Variants in DOCK11 observed in about 807,000 individuals in gnomAD.
DOCK11 encodes the protein dedicator of cytokinesis protein 11.
Under a neutral mutation model 169.1 loss-of-function variants are expected in DOCK11, and 70 were observed. The observed-to-expected ratio is 0.41, with a 90% CI of 0.34 to 0.51. The LOEUF (loss-of-function observed/expected upper bound fraction) is 0.51, where lower values mean the gene tolerates loss of function less well. DOCK11 is among the 20% of genes least tolerant of loss of function. The pLI is 0.10. For missense variants in DOCK11, 1,166 were observed against 1,538.8 expected, an observed-to-expected ratio of 0.76 and a Z score of 4.05; for synonymous variants, 529 against 541.3, an observed-to-expected ratio of 0.98 and a Z score of 0.32.
rs1471707789 is a variant in DOCK11 at position 118,648,032 on chromosome X, TATATAATA to T, written c.4399-904_4399-897del. On this transcript the variant is annotated intron_variant, in intron 40 of 52. Transcript: ENST00000276202. ...TAATATATAATATAAATTATAATAT[TATATAATA>T]ATATAATATATAATATATAATATAA... is the stretch of plus-strand genomic sequence containing the variant. 3.7e-3 allele frequency among the ~76,000 whole-genome samples: 158 copies of T among 43,210 alleles called. 1 individual carries two copies. Among genetic ancestry groups the T allele is most frequent in the African/African-American group, 0.016 (152 of 9,361 alleles). The allele number at this position is 43,210 out of a possible 115,157, so 37.5% of individuals were successfully genotyped here.
intron 52 of DOCK11, 157 bp downstream of exon 52, chrX:118,683,374 A>G: frequency 1.7e-6 from 1 of 598,508 alleles, no homozygotes; most frequent in Non-Finnish European, 2.4e-6. Context: ...GTGATACAAT[A>G]CAAATCAAAT....
intron 40 of DOCK11, among the ~76,000 whole-genome samples, chrX:118,645,906 A>AT (rs1969078877): frequency 9.6e-6 from 1 of 104,343 alleles, no homozygotes; most frequent in Admixed American, 1.0e-4. Context: ...AAAAAAAAAA[A>AT]TTAGCTGGGC....
chrX:118,665,613 G>T (rs1257334360), intron 45 of DOCK11, among the ~76,000 whole-genome samples: 1 of 111,791 alleles, frequency 8.9e-6, no homozygotes, highest in Non-Finnish European at 1.9e-5. Context: ...GAAATCTTTT[G>T]GGTTCTACAA....
At chrX:118,531,779 G>A (rs377507744) in intron 1 of DOCK11, among the ~76,000 whole-genome samples, 10 of 110,016 alleles carry the variant, frequency 9.1e-5, no homozygotes, top group East Asian at 2.8e-4. Flanking sequence ...GGCAGGTCTC[G>A]AACTCCTGAC....
chrX:118,602,430 A>G (rs1430147017), intron 23 of DOCK11, among the ~76,000 whole-genome samples: 1 of 111,815 alleles, frequency 8.9e-6, no homozygotes, highest in African/African-American at 3.3e-5. Flanking sequence ...CAGTCTGTCA[A>G]TAATACAATT....
rs150006034 is a variant in DOCK11 at position 118,555,562 on chromosome X, G to GAA, written c.559-5810_559-5809dup. On this transcript the variant is annotated intron_variant, in intron 6 of 52. Transcript: ENST00000276202. ...ACAGAGTGAGACTTCATCTTGAAAA[G>GAA]AAAAAAAAAAAACAAAATAAACTTG... 1.4e-3 allele frequency among the ~76,000 whole-genome samples: 130 copies of GAA among 94,886 alleles called. No homozygotes were observed. In the East Asian group the frequency reaches 0.028, roughly 20 times the overall value. 82.4% of individuals were successfully genotyped at this position (94,886 alleles called of 115,157 possible).
rs1202018969 is a variant in DOCK11, at chrX:118,572,353, A to G, written c.1066A>G (p.Ile356Val). Residue 356 changes from isoleucine to valine, a missense_variant, in exon 11 of 53, where the codon ATA (isoleucine) becomes GTA (valine). Ile to Val is a conservative substitution (Grantham distance 29, BLOSUM62 3). Coordinates refer to ENST00000276202, the MANE Select transcript of DOCK11 (RefSeq NM_144658.4). ...GGACTTTTCAGGAATTGAACCTGATATAAAGCCATTTGAAGAAAAATGCAA... is the reference window on the plus strand; with the variant it reads ...GGACTTTTCAGGAATTGAACCTGATGTAAAGCCATTTGAAGAAAAATGCAA... ...RLDFSGIEPD[I>V]KPFEEKCNKR... 8.3e-7 allele frequency: 1 copy of G among 1,204,284 alleles called. No individual in the cohort carries two copies.
chrX:118,568,096 A>G lies in DOCK11; in HGVS notation c.969A>G (p.Glu323=), dbSNP rs962239854. 7 of 1,151,378 alleles carry G rather than the reference A, an allele frequency of 6.1e-6. No individual in the cohort carries two copies. The highest frequency in any genetic ancestry group is 2.6e-5 in the Admixed American group (1 of 38,900). The allele number at this position is 1,151,378 out of a possible 1,213,427, so 94.9% of individuals were successfully genotyped here. ...PELMKYGRET[E]QLNKLSRGDG... is the part of the protein sequence containing the mutation. ...AATTTTAGTATGGAAGAGAAACTGA[A>G]CAACTAAACAAACTCAGTAGAGGAG... The change falls in exon 10 of 53, where the codon GAA becomes GAG. Residue 323 remains glutamate (E), a synonymous_variant. Transcript: ENST00000276202.
At chrX:118,586,347 T>TA (rs759372679) in intron 16 of DOCK11, among the ~76,000 whole-genome samples, 3 of 111,194 alleles carry the variant, frequency 2.7e-5, no homozygotes, top group Non-Finnish European at 5.7e-5. Flanking sequence ...TCAGGAAACT[T>TA]AAAATCGTGG....
At chrX:118,615,471 C>T (rs1429021828) in intron 29 of DOCK11, 129 bp from the exon 30 acceptor site, 1 of 484,044 alleles carries the variant, frequency 2.1e-6, no homozygotes, top group South Asian at 3.5e-5. Flanking sequence ...CTTTCCTGCA[C>T]AGGTCGCATC....
intron 4 of DOCK11, among the ~76,000 whole-genome samples, 175 bp downstream of exon 4, chrX:118,543,768 G>A (rs2012128710): frequency 8.9e-6 from 1 of 111,994 alleles, no homozygotes; most frequent in African/African-American, 3.2e-5. Flanking sequence ...GGCTAACACG[G>A]TGAAACCCTG....
chrX:118,601,733 T>C (rs2014343918), intron 23 of DOCK11, among the ~76,000 whole-genome samples: 1 of 111,873 alleles, frequency 8.9e-6, no homozygotes, highest in Admixed American at 9.5e-5. Flanking sequence ...ATAGCCAAGC[T>C]CCTCTATATA....
At chrX:118,526,149 A>T (rs953609014) in intron 1 of DOCK11, among the ~76,000 whole-genome samples, 1 of 112,241 alleles carries the variant, frequency 8.9e-6, no homozygotes, top group Non-Finnish European at 1.9e-5. Context: ...CAAGACAAGC[A>T]CAAGGACCTG....
intron 48 of DOCK11, among the ~76,000 whole-genome samples, chrX:118,679,989 C>T (rs184942475): frequency 1.8e-3 from 169 of 92,554 alleles, no homozygotes; most frequent in African/African-American, 6.6e-3. Context: ...TTCAGTGGCG[C>T]GATCTCGGCT....
intron 10 of DOCK11, among the ~76,000 whole-genome samples, chrX:118,568,373 TA>T (rs2013148029): frequency 5.2e-3 from 6 of 1,157 alleles, no homozygotes; most frequent in South Asian, 0.045. Context: ...GGCTGAATTA[TA>T]TATATATATA....
intron 1 of DOCK11, among the ~76,000 whole-genome samples, chrX:118,516,219 A>G (rs1304648662): frequency 2.0e-5 from 2 of 98,843 alleles, no homozygotes; most frequent in African/African-American, 7.7e-5. Context: ...CAGCCTCCTG[A>G]GTAGCTGGGA....
At chrX:118,597,841 C>T (rs2014216360) in intron 21 of DOCK11, among the ~76,000 whole-genome samples, 189 bp from the exon 22 acceptor site, 2 of 111,350 alleles carry the variant, frequency 1.8e-5, no homozygotes, top group Admixed American at 1.9e-4. Flanking sequence ...TAAAAATAGT[C>T]TGCAAAGGAT....
At chrX:118,647,962 A>ATTTAT (rs2015795447) in intron 40 of DOCK11, among the ~76,000 whole-genome samples, 2 of 46,830 alleles carry the variant, frequency 4.3e-5, no homozygotes, top group African/African-American at 1.8e-4. Flanking sequence ...ATAATATATA[A>ATTTAT]TATATAATTA....
At chrX:118,684,917 A>G (rs1230955852) in intron 52 of DOCK11, among the ~76,000 whole-genome samples, 1 of 111,940 alleles carries the variant, frequency 8.9e-6, no homozygotes, top group Non-Finnish European at 1.9e-5. Context: ...GAAGTTTCAC[A>G]ACTAACTTGA....
Sources: allele counts gnomAD v4.1 joint callset (sites outside exome capture counted in the v4.1 genomes callset), GRCh38; gene constraint gnomAD v4.1.1; transcripts MANE v1.5; gene names NCBI Gene and HGNC (gene_info 2026-07-23, HGNC 2026-07-21).